The following GABRA2 variants were observed in gnomAD, a reference collection of about 807,000 sequenced individuals.
GABRA2 encodes gamma-aminobutyric acid receptor subunit alpha-2.
In GABRA2, 16 loss-of-function variants were observed where a neutral mutation model predicts 48.7. That is an observed-to-expected ratio of 0.33 (90% CI 0.22 to 0.50). GABRA2 has a LOEUF of 0.50. Ranked by LOEUF, GABRA2 falls within the 20% of genes least tolerant of loss-of-function variation. The probability of loss-of-function intolerance (pLI) is 0.98; values close to 1 mark genes in which losing one functional copy is unlikely to be tolerated. For synonymous variants in GABRA2, 185 were observed against 184.5 expected, an observed-to-expected ratio of 1.00 and a Z score of -0.02; for missense variants, 275 against 535.6, an observed-to-expected ratio of 0.51 and a Z score of 4.80.
At chr4:46,372,916 C>A (rs1410444528) in intron 3 of GABRA2, among the ~76,000 whole-genome samples, 2 of 152,186 alleles carry the variant, frequency 1.3e-5, no homozygotes, top group Non-Finnish European at 2.9e-5. Context: ...CATCTGCTTT[C>A]ACCCCAGTAA....
At chr4:46,263,912 TTCTCTCTCTCTCTCTC>T (rs3068324) in intron 8 of GABRA2, among the ~76,000 whole-genome samples, 1 of 144,994 alleles carries the variant, frequency 6.9e-6, no homozygotes, top group Non-Finnish European at 1.5e-5. Context: ...ATTAGATCAA[TTCTCTCTCTCTCTCTC>T]TCTCTCTCTC....
chr4:46,362,010 T>C (rs1713279420), intron 3 of GABRA2, among the ~76,000 whole-genome samples: 1 of 152,232 alleles, frequency 6.6e-6, no homozygotes. Context: ...TTTTACAGGC[T>C]AATAGGAGGA....
chr4:46,385,078 C>CATATATATATAT (rs36113226), intron 3 of GABRA2, among the ~76,000 whole-genome samples: 37 of 143,554 alleles, frequency 2.6e-4, no homozygotes, highest in South Asian at 4.5e-4. Flanking sequence ...AATTGCCTAA[C>CATATATATATAT]ATATATATAT....
chr4:46,315,384 T>G (rs1728378308), intron 4 of GABRA2, among the ~76,000 whole-genome samples: 1 of 151,986 alleles, frequency 6.6e-6, no homozygotes, highest in African/African-American at 2.4e-5. Flanking sequence ...GTTTCCAGAA[T>G]TATTATTTAT....
chr4:46,338,281 A>ACTT (rs10678440), intron 3 of GABRA2, among the ~76,000 whole-genome samples: 58,061 of 151,524 alleles, frequency 0.38, 11,710 homozygotes, highest in East Asian at 0.56. Context: ...ATGGAAAATA[A>ACTT]CTCTAGGAAA....
chr4:46,306,210 A>G (rs1431373922), intron 6 of GABRA2, among the ~76,000 whole-genome samples: 1 of 152,250 alleles, frequency 6.6e-6, no homozygotes, highest in East Asian at 1.9e-4. Flanking sequence ...AGTAATTATT[A>G]TAGAACATAT....
At chr4:46,256,026 G>A (rs1444256405) in intron 9 of GABRA2, among the ~76,000 whole-genome samples, 2 of 151,402 alleles carry the variant, frequency 1.3e-5, no homozygotes, top group East Asian at 2.0e-4. Context: ...AAAAAATCAG[G>A]TCTCCAAAGG....
intron 8 of GABRA2, among the ~76,000 whole-genome samples, chr4:46,293,608 A>G (rs545166043): frequency 6.6e-6 from 1 of 152,330 alleles, no homozygotes; most frequent in South Asian, 2.1e-4. Context: ...TATTGCCAGA[A>G]TGTGTAATTG....
intron 9 of GABRA2, among the ~76,000 whole-genome samples, chr4:46,258,349 G>GT (rs1716273250): frequency 6.6e-6 from 1 of 151,810 alleles, no homozygotes; most frequent in Admixed American, 6.6e-5. Context: ...AAAGAACAGA[G>GT]TACTGCACAC....
intron 3 of GABRA2, among the ~76,000 whole-genome samples, chr4:46,338,042 T>C (rs145902886): frequency 6.5e-4 from 99 of 152,060 alleles, no homozygotes; most frequent in African/African-American, 2.3e-3. Flanking sequence ...ATTTGATAGG[T>C]ATATTCTTTG....
At chr4:46,303,076 G>A (rs1386686141) in intron 8 of GABRA2, 1 of 178,312 alleles carries the variant, frequency 5.6e-6, no homozygotes, top group Non-Finnish European at 1.2e-5. Context: ...ATTTATTTCT[G>A]TATCCTTAGT....
At chr4:46,285,758 T>C (rs897148114) in intron 8 of GABRA2, among the ~76,000 whole-genome samples, 3 of 152,084 alleles carry the variant, frequency 2.0e-5, no homozygotes, top group African/African-American at 7.2e-5. Context: ...CTGAAAATCA[T>C]GAAATCTTGT....
intron 8 of GABRA2, among the ~76,000 whole-genome samples, chr4:46,280,044 G>GT (rs756130098): frequency 3.4e-5 from 5 of 148,980 alleles, no homozygotes; most frequent in African/African-American, 9.9e-5. Context: ...AGGCTTACAA[G>GT]TTTTTTTTTA....
At chr4:46,372,270 C>T (rs918058074) in intron 3 of GABRA2, among the ~76,000 whole-genome samples, 5 of 152,084 alleles carry the variant, frequency 3.3e-5, no homozygotes, top group Non-Finnish European at 5.9e-5. Context: ...ACACTAATTT[C>T]CCCAGATGTC....
intron 6 of GABRA2, 77 bp downstream of exon 6, chr4:46,310,096 A>C (rs1578000426): frequency 1.0e-6 from 1 of 967,550 alleles, no homozygotes; most frequent in East Asian, 2.4e-5. Flanking sequence ...TGAGAAAAAA[A>C]CTAGACAATT....
chr4:46,329,652 C>T (rs549643249), intron 4 of GABRA2, among the ~76,000 whole-genome samples: 61 of 152,228 alleles, frequency 4.0e-4, no homozygotes, highest in African/African-American at 1.3e-3. Context: ...AATTCTCTAT[C>T]ACTTGAAATC....
intron 5 of GABRA2, among the ~76,000 whole-genome samples, 199 bp downstream of exon 5, chr4:46,312,297 T>A (rs553145896): frequency 6.6e-6 from 1 of 152,258 alleles, no homozygotes; most frequent in Non-Finnish European, 1.5e-5. Context: ...TTTAAAGAAC[T>A]AAGATGAGAC....
chr4:46,389,519 C>A (rs1717945620), intron 1 of GABRA2: 1 of 572,088 alleles, frequency 1.7e-6, no homozygotes, highest in Non-Finnish European at 2.2e-6. Context: ...TGCTGCCGAG[C>A]AGGTGTCCTG....
intron 8 of GABRA2, among the ~76,000 whole-genome samples, chr4:46,281,455 G>C (rs998416444): frequency 3.3e-5 from 5 of 152,174 alleles, no homozygotes; most frequent in Admixed American, 3.3e-4. Context: ...AGGAGACTAA[G>C]AAGGCATGAA....
Sources: allele counts gnomAD v4.1 joint callset (sites outside exome capture counted in the v4.1 genomes callset), GRCh38; gene constraint gnomAD v4.1.1; transcripts MANE v1.5; gene names NCBI Gene and HGNC (gene_info 2026-07-23, HGNC 2026-07-21).